LIN54: variants seen among roughly 807,000 people sequenced by gnomAD.
The protein encoded by LIN54 is protein lin-54 homolog.
In LIN54, 9 loss-of-function variants were observed where a neutral mutation model predicts 78.7. The ratio of observed to expected loss-of-function variants is 0.11; its 90% CI spans 0.07 to 0.20. The LOEUF is 0.20. LIN54 is among the 10% of genes least tolerant of loss of function. The probability of loss-of-function intolerance (pLI) is 1.00; values close to 1 mark genes in which losing one functional copy is unlikely to be tolerated. For synonymous variants in LIN54, 269 were observed against 318.4 expected, an observed-to-expected ratio of 0.84 and a Z score of 1.65; for missense variants, 573 against 889.9, an observed-to-expected ratio of 0.64 and a Z score of 4.53.
chr4:82,925,865 T>C lies in LIN54; in HGVS notation c.*2237A>G, dbSNP rs887380211. 3 of 152,664 alleles carry C rather than the reference T, an allele frequency of 2.0e-5. No individual in the cohort carries two copies. The highest frequency in any genetic ancestry group is 2.9e-5 in the Non-Finnish European group (2 of 68,016). The allele number at this position is 152,664 out of a possible 1,614,324, so 9.5% of individuals were successfully genotyped here. On this transcript the variant is annotated 3_prime_UTR_variant, in exon 13 of 13. Transcript: ENST00000340417. Reference sequence around the variant, plus strand: ...GGATGTAAATAGAGCTAAAAAATTATATACCCAACCCTCCCCAAATAGTCT... The same window carrying C: ...GGATGTAAATAGAGCTAAAAAATTACATACCCAACCCTCCCCAAATAGTCT...
At chr4:83,004,845 ATT>A (rs955117506) in intron 1 of LIN54, among the ~76,000 whole-genome samples, 2 of 151,676 alleles carry the variant, frequency 1.3e-5, no homozygotes, top group Admixed American at 6.6e-5. Context: ...CCTAAGTTTA[ATT>A]TTTTTTACAT....
chr4:82,934,941 G>T (rs1722271544), intron 11 of LIN54, among the ~76,000 whole-genome samples: 1 of 152,036 alleles, frequency 6.6e-6, no homozygotes, highest in Admixed American at 6.6e-5. Context: ...AAGCAAGAAG[G>T]GGAAGATTTA....
intron 5 of LIN54, among the ~76,000 whole-genome samples, chr4:82,941,149 GATAT>G (rs3081913): frequency 2.3e-3 from 306 of 130,834 alleles, no homozygotes; most frequent in Admixed American, 2.5e-3. Flanking sequence ...GAGTTAAGAG[GATAT>G]ATATATATAT....
chr4:82,994,138 C>T lies in LIN54; in HGVS notation c.-32-9262G>A, dbSNP rs896678203. On this transcript the variant is annotated intron_variant, in intron 1 of 12. Transcript: ENST00000340417. Reference sequence around the variant, plus strand: ...TAGATGTATTCCATTAATTTCAATACGTTTTTATTATCATTCACTTCAAAT... The same window carrying T: ...TAGATGTATTCCATTAATTTCAATATGTTTTTATTATCATTCACTTCAAAT... 5.3e-5 allele frequency among the ~76,000 whole-genome samples: 8 copies of T among 152,024 alleles called. 1 individual carries two copies. Among genetic ancestry groups the T allele is most frequent in the Non-Finnish European group, 1.0e-4 (7 of 67,982 alleles).
intron 1 of LIN54, among the ~76,000 whole-genome samples, chr4:82,993,526 A>G (rs1727925772): frequency 6.6e-6 from 1 of 151,766 alleles, no homozygotes; most frequent in Non-Finnish European, 1.5e-5. Flanking sequence ...CTAGAATCTT[A>G]AGATGGAAAC....
chr4:82,930,448 G>A (rs1414876108), intron 12 of LIN54, among the ~76,000 whole-genome samples: 1 of 152,130 alleles, frequency 6.6e-6, no homozygotes, highest in Admixed American at 6.5e-5. Flanking sequence ...AAGTAGCACA[G>A]ATAGTATAAA....
At chr4:82,941,925 G>C (rs1302151463) in intron 5 of LIN54, among the ~76,000 whole-genome samples, 1 of 152,144 alleles carries the variant, frequency 6.6e-6, no homozygotes, top group African/African-American at 2.4e-5. Flanking sequence ...TATACATTTG[G>C]ACCAACAAGA....
chr4:82,956,710 G>A lies in LIN54; in HGVS notation c.952-10236C>T, dbSNP rs377335010. Reference sequence around the variant, plus strand: ...AAACAAAACCAATCTATATAACACAGTAAAAAGAATTTCTCATTCATTTAT... The same window carrying A: ...AAACAAAACCAATCTATATAACACAATAAAAAGAATTTCTCATTCATTTAT... On this transcript the variant is annotated intron_variant, in intron 4 of 12. Coordinates refer to ENST00000340417, the MANE Select transcript of LIN54 (RefSeq NM_194282.4). Among the ~76,000 whole-genome samples, 20 of 151,966 alleles carry A rather than the reference G, an allele frequency of 1.3e-4. 1 individual carries two copies. Among genetic ancestry groups the A allele is most frequent in the African/African-American group, 4.6e-4 (19 of 41,424 alleles).
intron 2 of LIN54, among the ~76,000 whole-genome samples, chr4:82,983,535 A>G (rs934110587): frequency 1.3e-5 from 2 of 152,226 alleles, no homozygotes; most frequent in African/African-American, 2.4e-5. Context: ...CTCAGAGAAG[A>G]TAAGTAACCT....
intron 1 of LIN54, among the ~76,000 whole-genome samples, chr4:83,007,270 A>G (rs973155373): frequency 2.0e-5 from 3 of 152,204 alleles, no homozygotes; most frequent in African/African-American, 7.2e-5. Flanking sequence ...AGGGATAGGC[A>G]TTGTACCCGA....
rs558565209 is a variant in LIN54, at chr4:83,001,594, C to T, written c.-33+8890G>A. Among the ~76,000 whole-genome samples, 21 of 151,150 alleles carry T rather than the reference C, an allele frequency of 1.4e-4. No homozygotes were observed. The South Asian group carries it at 4.2e-3, about 30-fold the overall frequency. ...GGCGCAGTGGCTCACGCCTGTAATC[C>T]CAGCACCTTGGGAGGCCGAGGCAGG... is the stretch of plus-strand genomic sequence containing the variant. On this transcript the variant is annotated intron_variant, in intron 1 of 12. Coordinates refer to ENST00000340417, the MANE Select transcript of LIN54 (RefSeq NM_194282.4).
chr4:82,929,948 A>C (rs1439167379), intron 12 of LIN54, among the ~76,000 whole-genome samples: 4 of 152,162 alleles, frequency 2.6e-5, no homozygotes, highest in Non-Finnish European at 4.4e-5. Context: ...CCCAAGCTGG[A>C]GTGCAATTGC....
At chr4:82,982,639 T>A (rs1726772013) in intron 2 of LIN54, among the ~76,000 whole-genome samples, 1 of 152,216 alleles carries the variant, frequency 6.6e-6, no homozygotes. Context: ...TTGATGGTGA[T>A]AAGATATCTC....
intron 4 of LIN54, among the ~76,000 whole-genome samples, chr4:82,964,707 T>C (rs762864609): frequency 8.0e-6 from 1 of 124,618 alleles, no homozygotes; most frequent in Admixed American, 7.5e-5. Flanking sequence ...AAAGCTTTAT[T>C]GCTCAAAAAA....
chr4:82,954,951 C>T (rs1560741130), intron 4 of LIN54, among the ~76,000 whole-genome samples: 1 of 152,138 alleles, frequency 6.6e-6, no homozygotes. Flanking sequence ...TTTTTAGATA[C>T]ACTACCAAAA....
chr4:82,947,235 A>ATATATGTTTT, intron 4 of LIN54, among the ~76,000 whole-genome samples: 1 of 44,292 alleles, frequency 2.3e-5, no homozygotes, highest in Non-Finnish European at 3.7e-5. Flanking sequence ...ATATATATAT[A>ATATATGTTTT]TTTTTTTTTT....
At chr4:82,934,667 A>G (rs1722244805) in intron 11 of LIN54, among the ~76,000 whole-genome samples, 1 of 152,256 alleles carries the variant, frequency 6.6e-6, no homozygotes, top group Non-Finnish European at 1.5e-5. Context: ...GTGGCAGGGC[A>G]AACCTTCAGC....
intron 1 of LIN54, among the ~76,000 whole-genome samples, chr4:82,990,970 T>C (rs1241896314): frequency 6.6e-6 from 1 of 152,064 alleles, no homozygotes; most frequent in East Asian, 1.9e-4. Flanking sequence ...GGGCTGTCAC[T>C]GCCTCACTGG....
At chr4:83,001,349 T>TGA (rs61594435) in intron 1 of LIN54, among the ~76,000 whole-genome samples, 147,260 of 152,018 alleles carry the variant, frequency 0.97, 71,416 homozygotes, top group East Asian at 1. Flanking sequence ...CCCCGCAGTT[T>TGA]GAGTAACCTG....
Sources: allele counts gnomAD v4.1 joint callset (sites outside exome capture counted in the v4.1 genomes callset), GRCh38; gene constraint gnomAD v4.1.1; transcripts MANE v1.5; gene names NCBI Gene and HGNC (gene_info 2026-07-23, HGNC 2026-07-21).